RASAL2: variants seen among roughly 807,000 people sequenced by gnomAD.
RASAL2 encodes the protein ras GTPase-activating protein nGAP.
RASAL2 carries 58 observed loss-of-function variants against 128.9 expected under a neutral mutation model. The observed-to-expected ratio is 0.45, with a 90% confidence interval of 0.36 to 0.56. The LOEUF is 0.56. Among genes scored for constraint, RASAL2 ranks in the 20% least tolerant of loss-of-function variants. The pLI, the probability that RASAL2 is intolerant of heterozygous loss-of-function variation, is 0.00. For missense variants in RASAL2, 1,360 were observed against 1,601.6 expected, an observed-to-expected ratio of 0.85 and a Z score of 2.57; for synonymous variants, 561 against 580.8, an observed-to-expected ratio of 0.97 and a Z score of 0.49.
In RASAL2 at chr1:178,473,107, C is replaced by T. The variant is rs755306448; in HGVS notation, c.3711C>T (p.Asn1237=). The T allele has an allele frequency of 3.1e-6, 5 of 1,614,206 alleles. No homozygotes were observed. Among genetic ancestry groups the T allele is most frequent in the Non-Finnish European group, 4.2e-6 (5 of 1,180,034 alleles). ...GGATCGTGTCCCTGGATTCAGCCAA[C>T]ACCAGACTGATGAGCGCGCTGACCC... is the stretch of plus-strand genomic sequence containing the variant. ...EKRIVSLDSA[N]TRLMSALTQV... Residue 1237 remains asparagine, a synonymous_variant, in exon 18 of 18, where the codon AAC becomes AAT. Transcript: ENST00000367649.
At chr1:178,123,973 C>T (rs1476601363) in intron 1 of RASAL2, among the ~76,000 whole-genome samples, 4 of 152,034 alleles carry the variant, frequency 2.6e-5, no homozygotes, top group African/African-American at 4.8e-5. Context: ...TTGCCTGGCC[C>T]AAAATGCACT....
intron 3 of RASAL2, among the ~76,000 whole-genome samples, chr1:178,385,626 G>C (rs1042397703): frequency 3.5e-4 from 53 of 151,936 alleles, no homozygotes; most frequent in African/African-American, 1.3e-3. Context: ...GAAGAAAGGG[G>C]TTCTTTAAAA....
chr1:178,463,636 G>A (rs1647336944), intron 14 of RASAL2, among the ~76,000 whole-genome samples: 1 of 152,118 alleles, frequency 6.6e-6, no homozygotes, highest in Non-Finnish European at 1.5e-5. Context: ...TCAGTGTTCT[G>A]TAAAGATAAC....
intron 1 of RASAL2, among the ~76,000 whole-genome samples, chr1:178,159,430 C>G (rs923676627): frequency 5.3e-5 from 8 of 152,180 alleles, no homozygotes; most frequent in Non-Finnish European, 1.2e-4. Context: ...CCAAGACTTT[C>G]TCTTGGCTGG....
chr1:178,361,596 A>G (rs1671110142), intron 3 of RASAL2, among the ~76,000 whole-genome samples: 1 of 152,030 alleles, frequency 6.6e-6, no homozygotes, highest in African/African-American at 2.4e-5. Flanking sequence ...TGTACTGAAC[A>G]TGTACAGACT....
chr1:178,262,767 C>G (rs932400594), intron 1 of RASAL2, among the ~76,000 whole-genome samples: 2 of 150,440 alleles, frequency 1.3e-5, no homozygotes, highest in African/African-American at 4.9e-5. Context: ...ATTTTTTTCT[C>G]TCTTCTCATC....
intron 1 of RASAL2, among the ~76,000 whole-genome samples, chr1:178,156,716 C>T (rs538143185): frequency 9.9e-5 from 15 of 152,150 alleles, no homozygotes; most frequent in Admixed American, 3.9e-4. Context: ...ACAGAGAAAA[C>T]GAGCTAAAGA....
rs1648744233 is a variant in RASAL2 at position 178,477,338 on chromosome 1, T to A, written c.*4099T>A. 6.6e-6 allele frequency: 1 copy of A among 152,236 alleles called. No individual in the cohort carries two copies. Among genetic ancestry groups the A allele is most frequent in the South Asian group, 2.1e-4 (1 of 4,836 alleles). 9.4% of individuals were successfully genotyped at this position (152,236 alleles called of 1,614,324 possible). A position where few individuals can be genotyped will look rare whatever the true frequency, so the allele number is the denominator to read the frequency against. On this transcript the variant is annotated 3_prime_UTR_variant, in exon 18 of 18. Coordinates refer to ENST00000367649, the MANE Select transcript of RASAL2 (RefSeq NM_170692.4). ...TTAGTTTCTTAAAAGCAAGAAATGTTGGAGTGTTGAATTTTTAAATAGAAT... is the reference window on the plus strand; with the variant it reads ...TTAGTTTCTTAAAAGCAAGAAATGTAGGAGTGTTGAATTTTTAAATAGAAT...
At chr1:178,322,273 A>G (rs181880085) in intron 3 of RASAL2, among the ~76,000 whole-genome samples, 1 of 152,192 alleles carries the variant, frequency 6.6e-6, no homozygotes, top group Non-Finnish European at 1.5e-5. Flanking sequence ...CGTACTTTTT[A>G]AAATATTTCC....
chr1:178,283,783 T>C, intron 2 of RASAL2, 92 bp downstream of exon 2: 1 of 1,487,922 alleles, frequency 6.7e-7, no homozygotes, highest in Non-Finnish European at 9.3e-7. Context: ...AAAAGTTGGA[T>C]TATAAAAATA....
chr1:178,288,299 TCCTGTTTCCTCAAA>T (rs1667124488), intron 2 of RASAL2, among the ~76,000 whole-genome samples: 1 of 152,206 alleles, frequency 6.6e-6, no homozygotes, highest in Non-Finnish European at 1.5e-5. Flanking sequence ...TCATACCTTC[TCCTGTTTCCTCAAA>T]CTGCCAATCT....
At chr1:178,319,182 TC>T (rs1245781794) in intron 3 of RASAL2, among the ~76,000 whole-genome samples, 3 of 152,168 alleles carry the variant, frequency 2.0e-5, no homozygotes, top group Non-Finnish European at 2.9e-5. Context: ...CTGATGGGCT[TC>T]CCTTTGAGGG....
At chr1:178,451,543 T>C (rs1401942674) in intron 9 of RASAL2, 28 bp from the exon 10 acceptor site, 1 of 1,608,922 alleles carries the variant, frequency 6.2e-7, no homozygotes, top group Admixed American at 1.7e-5. Context: ...TGTTTATAGC[T>C]ATACCGTTAT....
chr1:178,259,683 T>A (rs913662205), intron 1 of RASAL2, among the ~76,000 whole-genome samples: 5 of 152,134 alleles, frequency 3.3e-5, no homozygotes, highest in African/African-American at 1.2e-4. Flanking sequence ...TGCCTTAGCC[T>A]CCCCAGTAGC....
chr1:178,411,512 GCA>G (rs1212330174), intron 4 of RASAL2: 2 of 546,934 alleles, frequency 3.7e-6, no homozygotes, highest in African/African-American at 3.8e-5. Flanking sequence ...ACTTTTCCAT[GCA>G]ATCAGACATG....
chr1:178,405,596 G>A (rs886860859), intron 4 of RASAL2, among the ~76,000 whole-genome samples: 2 of 152,220 alleles, frequency 1.3e-5, no homozygotes, highest in African/African-American at 4.8e-5. Flanking sequence ...AGGAATGTGG[G>A]TGGCCTTTAG....
At chr1:178,218,005 C>A (rs1254055815) in intron 1 of RASAL2, among the ~76,000 whole-genome samples, 2 of 152,172 alleles carry the variant, frequency 1.3e-5, no homozygotes, top group Non-Finnish European at 1.5e-5. Context: ...ATGGAATAAA[C>A]TTCCATCTCA....
chr1:178,159,310 G>A (rs1013881432), intron 1 of RASAL2, among the ~76,000 whole-genome samples: 4 of 152,082 alleles, frequency 2.6e-5, no homozygotes, highest in Non-Finnish European at 5.9e-5. Context: ...TAACACCGTA[G>A]CATCCATATT....
At chr1:178,265,866 C>T (rs970820439) in intron 1 of RASAL2, among the ~76,000 whole-genome samples, 1 of 152,162 alleles carries the variant, frequency 6.6e-6, no homozygotes, top group African/African-American at 2.4e-5. Flanking sequence ...AACAAAATTA[C>T]ACATCTTTTG....
Sources: gnomAD v4.1 joint callset for allele counts (sites outside exome capture counted in the v4.1 genomes callset) on GRCh38, gnomAD v4.1.1 for gene constraint, MANE v1.5 for transcripts, NCBI Gene and HGNC (gene_info 2026-07-23, HGNC 2026-07-21) for gene names.